Variants in ACADL observed in about 807,000 individuals in gnomAD.
The protein encoded by ACADL is acyl-CoA dehydrogenase long chain, also known as long-chain specific acyl-CoA dehydrogenase, mitochondrial.
A neutral mutation model predicts 56.9 loss-of-function variants in ACADL; 60 were observed. The ratio of observed to expected loss-of-function variants is 1.05; its 90% CI spans 0.86 to 1.31. ACADL has a LOEUF of 1.31. ACADL is among the 50% of genes most tolerant of loss of function. ACADL has a pLI of 0.00. For synonymous variants in ACADL, 158 were observed against 179.7 expected (o/e 0.88, Z 0.97); for missense variants, 484 against 525.5 (o/e 0.92, Z 0.77).
At chr2:210,193,918 C>T (rs1002296964) in intron 9 of ACADL, among the ~76,000 whole-genome samples, 15 of 152,030 alleles carry the variant, frequency 9.9e-5, no homozygotes, top group African/African-American at 3.6e-4. Flanking sequence ...AAAACTCAGA[C>T]CATACGACAG....
At chr2:210,224,947 G>A in intron 1 of ACADL, 1 of 1,348,832 alleles carries the variant, frequency 7.4e-7, no homozygotes, top group South Asian at 1.8e-5. Context: ...CCCCGACGTG[G>A]GCTCGGCGGT....
In ACADL at chr2:210,218,345, A is replaced by G. The variant is rs1376872177; in HGVS notation, c.234-243T>C. Reference sequence around the variant, plus strand: ...ACCCAGGCTGGTGTGCAGTGGCACAATCATGGATCACTGCAGCCTCAAAAT... The same window carrying G: ...ACCCAGGCTGGTGTGCAGTGGCACAGTCATGGATCACTGCAGCCTCAAAAT... On this transcript the variant is annotated intron_variant, in intron 2 of 10. Coordinates refer to ENST00000233710, the MANE Select transcript of ACADL (RefSeq NM_001608.4). The G allele has an allele frequency of 1.4e-5, 6 of 435,130 alleles. No homozygotes were observed. In the Admixed American group the frequency reaches 2.3e-4, roughly 17 times the overall value. The allele number at this position is 435,130 out of a possible 1,614,324, so 27.0% of individuals were successfully genotyped here.
intron 8 of ACADL, among the ~76,000 whole-genome samples, chr2:210,196,117 G>A (rs1206065600): frequency 1.3e-5 from 2 of 152,098 alleles, no homozygotes; most frequent in Admixed American, 6.6e-5. Flanking sequence ...TAAGTCTCAT[G>A]AGATCTGATG....
In ACADL at chr2:210,225,213, A is replaced by G. The variant is rs997546168; in HGVS notation, c.51T>C (p.Arg17=). 1 of 1,543,746 alleles carries G rather than the reference A, an allele frequency of 6.5e-7. No homozygotes were observed. The change falls in exon 1 of 11, where the codon CGT becomes CGC. Residue 17 remains arginine (R), a synonymous_variant. Transcript: ENST00000233710. ...RGSLRVLGGH[R]APRQLPAARC... ...GCGCGGCGGGCAGCTGGCGCGGCGCACGGTGGCCGCCCAGGACGCGTAGGG... is the reference window on the plus strand; with the variant it reads ...GCGCGGCGGGCAGCTGGCGCGGCGCGCGGTGGCCGCCCAGGACGCGTAGGG...
At chr2:210,211,926 G>T (rs1331770371) in intron 4 of ACADL, among the ~76,000 whole-genome samples, 1 of 150,232 alleles carries the variant, frequency 6.7e-6, no homozygotes, top group Non-Finnish European at 1.5e-5. Flanking sequence ...TGCCTCCCCA[G>T]TTCAAGTGAT....
chr2:210,207,564 T>G (rs190304287), intron 5 of ACADL, among the ~76,000 whole-genome samples: 255 of 152,298 alleles, frequency 1.7e-3, no homozygotes, highest in Middle Eastern at 3.4e-3. Flanking sequence ...GACATCAGAT[T>G]GGCCAAAAGG....
intron 4 of ACADL, among the ~76,000 whole-genome samples, chr2:210,214,493 A>AAG (rs1553691012): frequency 6.7e-6 from 1 of 150,326 alleles, no homozygotes; most frequent in African/African-American, 2.5e-5. Context: ...GAAAGAAAGA[A>AAG]AGAAAGAAAG....
At chr2:210,219,676 C>A (rs761620000) in intron 2 of ACADL, among the ~76,000 whole-genome samples, 4 of 152,100 alleles carry the variant, frequency 2.6e-5, no homozygotes, top group Admixed American at 6.5e-5. Flanking sequence ...TGTCTCTGTA[C>A]TTTATGACAG....
At chr2:210,197,090 A>C (rs1268495274) in intron 8 of ACADL, among the ~76,000 whole-genome samples, 1 of 152,200 alleles carries the variant, frequency 6.6e-6, no homozygotes, top group African/African-American at 2.4e-5. Context: ...ACCAAGCAAG[A>C]CCAGGGTGTA....
chr2:210,195,386 T>G (rs1364744555), intron 8 of ACADL, 48 bp from the exon 9 acceptor site: 1 of 1,571,608 alleles, frequency 6.4e-7, no homozygotes, highest in Non-Finnish European at 8.8e-7. Context: ...GGTAGAAATA[T>G]AAACTTCAAC....
chr2:210,216,360 G>A lies in ACADL; in HGVS notation c.523C>T (p.Pro175Ser). Residue 175 changes from proline to serine, a missense_variant, in exon 4 of 11, where the codon CCT becomes TCT. Transcript: ENST00000233710. ...ATATTAACTTACCTTCCAGCTCCAG[G>A]CTCTGTCATTGCTATTGCACCAATA... ...KCIGAIAMTE[P>S]GAGSDLQGIK... The A allele has an allele frequency of 1.9e-6, 3 of 1,613,550 alleles. No homozygotes were observed. Among genetic ancestry groups the A allele is most frequent in the Non-Finnish European group, 2.5e-6 (3 of 1,179,734 alleles).
intron 1 of ACADL, 127 bp downstream of exon 1, chr2:210,225,060 G>T: frequency 6.7e-7 from 1 of 1,496,794 alleles, no homozygotes; most frequent in South Asian, 1.3e-5. Flanking sequence ...CTAGCCCGGC[G>T]CCGGAGTTGG....
In ACADL at chr2:210,192,837, C is replaced by A. The variant is rs1423997647; in HGVS notation, c.1166G>T (p.Gly389Val). 6.2e-7 allele frequency: 1 copy of A among 1,613,816 alleles called. No individual in the cohort carries two copies. The highest frequency in any genetic ancestry group is 1.1e-5 in the South Asian group (1 of 91,066). The change falls in exon 10 of 11, where the codon GGT becomes GTT. Residue 389 changes from glycine to valine, a missense_variant. Physicochemically the swap from Gly to Val is moderately radical, Grantham distance 109. Transcript: ENST00000233710. ...VAYDCVQLHG[G>V]WGYMWEYPIA... ...TGGGTACTCCCACATGTATCCCCAACCTCCATGGAGCTGTACACAGTCGTA... is the reference window on the plus strand; with the variant it reads ...TGGGTACTCCCACATGTATCCCCAAACTCCATGGAGCTGTACACAGTCGTA...
At chr2:210,222,874 T>C (rs1689201283) in intron 1 of ACADL, among the ~76,000 whole-genome samples, 1 of 152,324 alleles carries the variant, frequency 6.6e-6, no homozygotes. Flanking sequence ...GATCGGCTCC[T>C]TTTTCTTGCT....
chr2:210,199,132 T>A (rs1575673139), intron 8 of ACADL, among the ~76,000 whole-genome samples: 1 of 152,132 alleles, frequency 6.6e-6, no homozygotes, highest in African/African-American at 2.4e-5. Context: ...AATAACTAGA[T>A]CCATAGTGTA....
intron 8 of ACADL, among the ~76,000 whole-genome samples, chr2:210,199,357 AT>A (rs924148325): frequency 1.3e-5 from 2 of 152,206 alleles, no homozygotes; most frequent in African/African-American, 4.8e-5. Flanking sequence ...TGGAAGTAGA[AT>A]GCTACTGCCA....
chr2:210,214,501 A>AAGAAAGAAAGAAAG (rs1419261943), intron 4 of ACADL, among the ~76,000 whole-genome samples: 12 of 150,730 alleles, frequency 8.0e-5, no homozygotes, highest in African/African-American at 3.0e-4. Context: ...GAAAGAAAGA[A>AAGAAAGAAAGAAAG]AGAAAGAAAA....
chr2:210,199,036 G>A (rs922193439), intron 8 of ACADL, among the ~76,000 whole-genome samples: 4 of 152,052 alleles, frequency 2.6e-5, no homozygotes, highest in Non-Finnish European at 5.9e-5. Flanking sequence ...GGATAACAAA[G>A]AGAATGGAAA....
At chr2:210,201,468 C>T (rs1421551492) in intron 8 of ACADL, among the ~76,000 whole-genome samples, 1 of 152,022 alleles carries the variant, frequency 6.6e-6, no homozygotes, top group Non-Finnish European at 1.5e-5. Context: ...TACAATTTTG[C>T]AAATCAAATA....
Sources: gnomAD v4.1 joint callset for allele counts (sites outside exome capture counted in the v4.1 genomes callset) on GRCh38, gnomAD v4.1.1 for gene constraint, MANE v1.5 for transcripts, NCBI Gene and HGNC (gene_info 2026-07-23, HGNC 2026-07-21) for gene names.